MACROD2: variants seen among roughly 807,000 people sequenced by gnomAD.
The protein encoded by MACROD2 is mono-ADP ribosylhydrolase 2.
MACROD2 carries 36 observed loss-of-function variants against 70.4 expected under a neutral mutation model. That is an observed-to-expected ratio of 0.51 (90% CI 0.39 to 0.68). The LOEUF is 0.68. MACROD2 is among the 30% of genes least tolerant of loss of function. The pLI is 0.00. For synonymous variants in MACROD2, 172 were observed against 178.8 expected, an observed-to-expected ratio of 0.96 and a Z score of 0.30; for missense variants, 496 against 538.4, an observed-to-expected ratio of 0.92 and a Z score of 0.78.
intron 15 of MACROD2, among the ~76,000 whole-genome samples, chr20:16,005,737 C>A (rs143364360): frequency 6.6e-6 from 1 of 152,212 alleles, no homozygotes; most frequent in African/African-American, 2.4e-5. Flanking sequence ...CGCTTATTCA[C>A]CAAGCACAGT....
chr20:14,550,076 C>T (rs914352039), intron 4 of MACROD2, among the ~76,000 whole-genome samples: 14 of 152,018 alleles, frequency 9.2e-5, no homozygotes, highest in African/African-American at 3.1e-4. Context: ...GCGGGTGCCA[C>T]CATGTCCAGC....
At chr20:15,294,617 C>T (rs1172854305) in intron 6 of MACROD2, among the ~76,000 whole-genome samples, 1 of 152,184 alleles carries the variant, frequency 6.6e-6, no homozygotes, top group African/African-American at 2.4e-5. Flanking sequence ...TTTTTTCCTG[C>T]CATGCTGCCT....
intron 5 of MACROD2, among the ~76,000 whole-genome samples, chr20:15,097,063 C>T (rs1225480571): frequency 6.6e-6 from 1 of 152,068 alleles, no homozygotes; most frequent in Non-Finnish European, 1.5e-5. Flanking sequence ...CTGCCCGCCT[C>T]GGCCTCCCAA....
intron 10 of MACROD2, among the ~76,000 whole-genome samples, chr20:15,888,955 A>C (rs911714982): frequency 7.2e-5 from 11 of 152,152 alleles, no homozygotes; most frequent in African/African-American, 2.7e-4. Flanking sequence ...GCCCTGCATC[A>C]ATTCTTCTCA....
intron 5 of MACROD2, among the ~76,000 whole-genome samples, chr20:14,870,898 G>C (rs1416295726): frequency 6.6e-6 from 1 of 152,120 alleles, no homozygotes; most frequent in Non-Finnish European, 1.5e-5. Context: ...ACTGTAGGTT[G>C]TCTGTTCACT....
intron 7 of MACROD2, among the ~76,000 whole-genome samples, chr20:15,480,294 C>T (rs1029199257): frequency 3.3e-5 from 5 of 152,104 alleles, no homozygotes; most frequent in African/African-American, 4.8e-5. Context: ...AGCTGGTGCC[C>T]GCCGCTTCTT....
chr20:15,684,149 TATTTTA>T (rs1396951859), intron 8 of MACROD2, among the ~76,000 whole-genome samples: 18 of 152,360 alleles, frequency 1.2e-4, no homozygotes, highest in African/African-American at 4.3e-4. Context: ...AATGACCTCT[TATTTTA>T]AACTCCAAGG....
At chr20:15,255,349 C>A (rs2077190580) in intron 6 of MACROD2, among the ~76,000 whole-genome samples, 1 of 152,122 alleles carries the variant, frequency 6.6e-6, no homozygotes, top group Admixed American at 6.6e-5. Flanking sequence ...GCACTTGCCA[C>A]TTCTCTTTGC....
At chr20:14,720,340 C>A (rs2071449715) in intron 5 of MACROD2, among the ~76,000 whole-genome samples, 1 of 151,948 alleles carries the variant, frequency 6.6e-6, no homozygotes, top group African/African-American at 2.4e-5. Context: ...TTATGTATTT[C>A]CTCTTCTGAA....
chr20:15,480,456 A>C (rs2047082093), intron 7 of MACROD2, among the ~76,000 whole-genome samples: 1 of 152,162 alleles, frequency 6.6e-6, no homozygotes, highest in Non-Finnish European at 1.5e-5. Flanking sequence ...AACAGTTTAG[A>C]AGTGATAATC....
chr20:14,176,661 C>A (rs549078912), intron 3 of MACROD2, among the ~76,000 whole-genome samples: 30 of 152,156 alleles, frequency 2.0e-4, no homozygotes, highest in Non-Finnish European at 2.4e-4. Flanking sequence ...CCTTAAAAGC[C>A]ATGTGTATTT....
Position 14,326,311 on chromosome 20 carries a change from T to G in MACROD2, c.272-167168T>G. ...TGAGGGACTCCCTGTGGTTTGGTGA[T>G]CCTTAGTGAGCTTGGGGTTCTTAAT... On this transcript the variant is annotated intron_variant, in intron 3 of 17. Coordinates refer to ENST00000684519, the MANE Select transcript of MACROD2 (RefSeq NM_001351661.2). The surrounding 1 kb of genome is among the most constrained non-coding windows in gnomAD (Gnocchi z 5.5). 1 of 1,613,908 alleles carries G rather than the reference T, an allele frequency of 6.2e-7. No homozygotes were observed. Among genetic ancestry groups the G allele is most frequent in the Middle Eastern group, 1.7e-4 (1 of 6,054 alleles).
At chr20:15,557,037 G>A (rs1447377234) in intron 8 of MACROD2, among the ~76,000 whole-genome samples, 1 of 152,070 alleles carries the variant, frequency 6.6e-6, no homozygotes, top group African/African-American at 2.4e-5. Context: ...ATACAGCCAT[G>A]GATTGATGAG....
At chr20:15,936,129 C>T (rs1052159476) in intron 11 of MACROD2, among the ~76,000 whole-genome samples, 11 of 151,504 alleles carry the variant, frequency 7.3e-5, no homozygotes, top group African/African-American at 2.7e-4. Context: ...CCTGCTACTA[C>T]ATAAAAAACT....
chr20:14,068,040 G>C (rs1166461707), intron 2 of MACROD2, among the ~76,000 whole-genome samples: 2 of 152,162 alleles, frequency 1.3e-5, no homozygotes, highest in South Asian at 2.1e-4. Context: ...TTTTAGGAAA[G>C]GGTAGAATTA....
chr20:15,599,086 G>C (rs1369812286), intron 8 of MACROD2, among the ~76,000 whole-genome samples: 1 of 152,082 alleles, frequency 6.6e-6, no homozygotes, highest in African/African-American at 2.4e-5. Context: ...ACAGTTTAAA[G>C]TGTTTAAATT....
At chr20:15,229,797 A>C (rs925006241) in intron 5 of MACROD2, 143 bp from the exon 6 acceptor site, 73 of 770,780 alleles carry the variant, frequency 9.5e-5, no homozygotes, top group South Asian at 4.1e-4. Context: ...CTACCAGAGA[A>C]ATATTTGCGT....
chr20:15,659,750 A>G (rs2049792077), intron 8 of MACROD2, among the ~76,000 whole-genome samples: 1 of 152,154 alleles, frequency 6.6e-6, no homozygotes, highest in Admixed American at 6.6e-5. Flanking sequence ...GGCAGGCTCT[A>G]CAAGAGGCAG....
intron 6 of MACROD2, among the ~76,000 whole-genome samples, chr20:15,412,813 A>G (rs2046096298): frequency 1.3e-5 from 2 of 152,164 alleles, no homozygotes; most frequent in Non-Finnish European, 2.9e-5. Context: ...ATATATCTCT[A>G]TGTTCATTCT....
Sources: allele counts gnomAD v4.1 joint callset (sites outside exome capture counted in the v4.1 genomes callset), GRCh38; gene constraint gnomAD v4.1.1; non-coding constraint Gnocchi (gnomAD v3.1); transcripts MANE v1.5; gene names NCBI Gene and HGNC (gene_info 2026-07-23, HGNC 2026-07-21).